RREB1: variants seen among roughly 807,000 people sequenced by gnomAD.
The protein encoded by RREB1 is ras responsive element binding protein 1.
A neutral mutation model predicts 117.8 loss-of-function variants in RREB1; 27 were observed. The observed-to-expected ratio is 0.23, with a 90% CI of 0.17 to 0.32. RREB1 has a LOEUF of 0.32. Ranked by LOEUF, RREB1 falls within the 10% of genes least tolerant of loss-of-function variation. RREB1 has a pLI of 1.00. For synonymous variants in RREB1, 1,298 were observed against 1,026.7 expected (o/e 1.26, Z -5.05); for missense variants, 2,577 against 2,378.2 (o/e 1.08, Z -1.74).
intron 6 of RREB1, among the ~76,000 whole-genome samples, chr6:7,209,333 A>G (rs1426927317): frequency 2.6e-5 from 4 of 152,210 alleles, no homozygotes; most frequent in South Asian, 2.1e-4. Context: ...TACTTTCTCA[A>G]CTCTTAGATG....
At chr6:7,221,962 G>A (rs1767286166) in intron 8 of RREB1, among the ~76,000 whole-genome samples, 1 of 152,116 alleles carries the variant, frequency 6.6e-6, no homozygotes. Context: ...ATTTGGAAAA[G>A]TACTTTGCAG....
intron 1 of RREB1, among the ~76,000 whole-genome samples, chr6:7,143,824 G>A (rs1261283911): frequency 1.3e-5 from 2 of 148,460 alleles, no homozygotes; most frequent in Non-Finnish European, 3.0e-5. Context: ...GGCGACCAGT[G>A]TGCATCACTG....
chr6:7,145,395 T>G (rs1270754743), intron 1 of RREB1, among the ~76,000 whole-genome samples: 1 of 152,208 alleles, frequency 6.6e-6, no homozygotes, highest in African/African-American at 2.4e-5. Context: ...CACCAGGAAT[T>G]TTCACCAGGT....
At position 7,248,866 on chromosome 6, in the gene RREB1, G is replaced by C; in HGVS notation, c.5127G>C (p.Pro1709=). 2 of 1,597,472 alleles carry C rather than the reference G, an allele frequency of 1.3e-6. No individual in the cohort carries two copies. Among genetic ancestry groups the C allele is most frequent in the Non-Finnish European group, 1.7e-6 (2 of 1,172,774 alleles). ...AGGGTGACCTTAACCCAGAGAGCCC[G>C]GCGGCCCTGGGGCAGGACCTGCTGG... ...PGQGDLNPES[P]AALGQDLLEP... Residue 1709 remains proline (P), a synonymous_variant, in exon 13 of 13, where the codon CCG becomes CCC. Transcript: ENST00000379938.
intron 1 of RREB1, among the ~76,000 whole-genome samples, chr6:7,150,670 G>C (rs1468191629): frequency 6.6e-6 from 1 of 152,224 alleles, no homozygotes; most frequent in East Asian, 1.9e-4. Context: ...AGATGGAAAA[G>C]TAAGAAAAAC....
At chr6:7,179,051 T>C (rs80159591) in intron 2 of RREB1, among the ~76,000 whole-genome samples, 7,343 of 152,274 alleles carry the variant, frequency 0.048, 471 homozygotes, top group African/African-American at 0.15. Flanking sequence ...TGAAAAGAAT[T>C]TTTACTGGCA....
At chr6:7,214,825 C>T (rs1766811254) in intron 8 of RREB1, 3 of 152,488 alleles carry the variant, frequency 2.0e-5, no homozygotes, top group South Asian at 2.1e-4. Context: ...TCCCCACCAA[C>T]ACTGGCAAGG....
intron 1 of RREB1, among the ~76,000 whole-genome samples, chr6:7,174,541 G>C (rs1297122162): frequency 1.3e-5 from 2 of 152,158 alleles, no homozygotes; most frequent in Non-Finnish European, 2.9e-5. Flanking sequence ...AATTTTAATG[G>C]AAGTCTTAGC....
intron 1 of RREB1, among the ~76,000 whole-genome samples, chr6:7,123,391 A>T (rs1761764508): frequency 6.6e-6 from 1 of 151,930 alleles, no homozygotes; most frequent in Non-Finnish European, 1.5e-5. Flanking sequence ...CGAACTCCTG[A>T]GTTCAGGCAG....
At chr6:7,110,494 G>GTGTGTGTGTGTGTATA (rs780372991) in intron 1 of RREB1, among the ~76,000 whole-genome samples, 1 of 152,102 alleles carries the variant, frequency 6.6e-6, no homozygotes, top group African/African-American at 2.4e-5. Context: ...GTGTGTGTGT[G>GTGTGTGTGTGTGTATA]TGTATGTGTT....
In RREB1 at chr6:7,229,101, C is replaced by T. The variant is rs1364160973; in HGVS notation, c.1002C>T (p.His334=). 9.3e-6 allele frequency: 15 copies of T among 1,605,614 alleles called. No individual in the cohort carries two copies. Among genetic ancestry groups the T allele is most frequent in the African/African-American group, 1.3e-5 (1 of 74,786 alleles). ...CCATGCTCTGCTCACTGGCTCTGCA[C>T]AAGCAGACCCATGTGGCGGCAGACC... The part of the protein sequence containing the change: ...AFPMLCSLAL[H]KQTHVAADQG... The change falls in exon 10 of 13, where the codon CAC becomes CAT. Residue 334 remains histidine, a synonymous_variant. Coordinates refer to ENST00000379938, the MANE Select transcript of RREB1 (RefSeq NM_001003699.4). The surrounding 1 kb of genome is among the most constrained non-coding windows in gnomAD (Gnocchi z 4.5).
At chr6:7,146,765 C>CTT (rs752906899) in intron 1 of RREB1, among the ~76,000 whole-genome samples, 1 of 129,136 alleles carries the variant, frequency 7.7e-6, no homozygotes, top group East Asian at 2.4e-4. Context: ...TTTCTTCTTT[C>CTT]TTTTTTTTTT....
chr6:7,135,230 C>A (rs1762303958), intron 1 of RREB1, among the ~76,000 whole-genome samples: 2 of 152,150 alleles, frequency 1.3e-5, no homozygotes, highest in Admixed American at 6.5e-5. Flanking sequence ...CTTGTGCCTT[C>A]TTAGGAGGTG....
At chr6:7,202,479 T>C (rs1766041232) in intron 6 of RREB1, among the ~76,000 whole-genome samples, 1 of 152,210 alleles carries the variant, frequency 6.6e-6, no homozygotes. Flanking sequence ...TGTATGATTT[T>C]AGTCGTTGCC....
intron 2 of RREB1, among the ~76,000 whole-genome samples, chr6:7,180,774 G>A (rs543373897): frequency 3.3e-5 from 5 of 152,338 alleles, no homozygotes; most frequent in African/African-American, 7.2e-5. Context: ...AGATAAAGGC[G>A]TGAGACGGGT....
chr6:7,134,925 C>T (rs1039947268), intron 1 of RREB1, among the ~76,000 whole-genome samples: 19 of 152,196 alleles, frequency 1.2e-4, no homozygotes, highest in Non-Finnish European at 2.1e-4. Context: ...ATACACTGAA[C>T]GGTTTCCAGA....
At chr6:7,184,062 ATT>A (rs1764941396) in intron 4 of RREB1, 1 of 152,120 alleles carries the variant, frequency 6.6e-6, no homozygotes, top group Non-Finnish European at 1.5e-5. Flanking sequence ...AGAATTCTCC[ATT>A]AGGGTGCTGG....
intron 11 of RREB1, among the ~76,000 whole-genome samples, chr6:7,244,227 C>T (rs950707669): frequency 2.6e-5 from 4 of 150,994 alleles, no homozygotes; most frequent in Admixed American, 2.0e-4. Flanking sequence ...TGCACCACTG[C>T]ACTCCAGCCC....
At chr6:7,174,660 G>GCTCAC (rs1764413084) in intron 1 of RREB1, among the ~76,000 whole-genome samples, 1 of 152,182 alleles carries the variant, frequency 6.6e-6, no homozygotes, top group African/African-American at 2.4e-5. Flanking sequence ...CCAGGCTGGA[G>GCTCAC]TGCAGAGGCA....
Sources: gnomAD v4.1 joint callset for allele counts (sites outside exome capture counted in the v4.1 genomes callset) on GRCh38, gnomAD v4.1.1 for gene constraint, Gnocchi (gnomAD v3.1) non-coding constraint, MANE v1.5 for transcripts, NCBI Gene and HGNC (gene_info 2026-07-23, HGNC 2026-07-21) for gene names.